LRRC8E: variants seen among roughly 807,000 people sequenced by gnomAD.
The protein encoded by LRRC8E is leucine rich repeat containing 8 VRAC subunit E.
In LRRC8E, 6 loss-of-function variants were observed where a neutral mutation model predicts 6.1. That is an observed-to-expected ratio of 0.98 (90% CI 0.54 to 1.93). The LOEUF is 1.93. LRRC8E is among the 30% of genes most tolerant of loss of function. LRRC8E has a pLI of 0.01. For synonymous variants in LRRC8E, 485 were observed against 472.8 expected (o/e 1.03, Z -0.33); for missense variants, 1,028 against 1,031.4 (o/e 1.00, Z 0.04).
At position 7,895,801 on chromosome 19, in the gene LRRC8E, G is replaced by A; in HGVS notation, c.138+60G>A. On this transcript the variant is annotated intron_variant, in intron 2 of 2. Transcript: ENST00000306708. This position sits in a 1 kb window ranked among gnomAD's most constrained non-coding sequence, Gnocchi z 4.7. ...AGGGGCGGGGCAGGTGTCTGGGGAA[G>A]TCGGGAAGCCTTCTCATCACCCAAG... 2 of 1,587,494 alleles carry A rather than the reference G, an allele frequency of 1.3e-6. No homozygotes were observed. Among genetic ancestry groups the A allele is most frequent in the South Asian group, 2.2e-5 (2 of 89,958 alleles).
chr19:7,901,349 G>C lies in LRRC8E; in HGVS notation c.*436G>C, dbSNP rs887355722. ...TACTTCTGGAGTTCTCTCCCAAGGA[G>C]AGGACACAGACACAGTTGTTTGCTG... is the stretch of plus-strand genomic sequence containing the variant. On this transcript the variant is annotated 3_prime_UTR_variant, in exon 3 of 3. Transcript: ENST00000306708. 1 of 160,168 alleles carries C rather than the reference G, an allele frequency of 6.2e-6. No individual in the cohort carries two copies. The highest frequency in any genetic ancestry group is 1.4e-5 in the Non-Finnish European group (1 of 73,082). The allele number at this position is 160,168 out of a possible 1,614,324, so 9.9% of individuals were successfully genotyped here.
Position 7,900,289 on chromosome 19 carries a change from G to T in LRRC8E, c.1767G>T (p.Leu589=). The T allele has an allele frequency of 6.2e-7, 1 of 1,613,388 alleles. No individual in the cohort carries two copies. The highest frequency in any genetic ancestry group is 8.5e-7 in the Non-Finnish European group (1 of 1,180,026). ...KKLAALRELE[L]VACGLERIPH... is the part of the protein sequence containing the mutation. Reference sequence around the variant, plus strand: ...TGGCGGCATTGCGGGAGCTGGAGCTGGTGGCCTGCGGGCTGGAGCGCATCC... The same window carrying T: ...TGGCGGCATTGCGGGAGCTGGAGCTTGTGGCCTGCGGGCTGGAGCGCATCC... The change falls in exon 3 of 3, where the codon CTG becomes CTT. Residue 589 remains leucine, a synonymous_variant. Transcript: ENST00000306708. The surrounding 1 kb of genome is among the most constrained non-coding windows in gnomAD (Gnocchi z 5.0).
rs770328515 is a variant in LRRC8E, at chr19:7,899,548, C to T, written c.1026C>T (p.Tyr342=). The part of the protein sequence containing the change: ...YWLFHRPLKE[Y]SFRSVREETG... ...TCTTCCACCGGCCCCTCAAGGAGTA[C>T]TCCTTCCGTTCCGTGCGGGAGGAGA... The change falls in exon 3 of 3, where the codon TAC becomes TAT. Residue 342 remains tyrosine (Y), a synonymous_variant. Transcript: ENST00000306708. 8 of 1,613,846 alleles carry T rather than the reference C, an allele frequency of 5.0e-6. No individual in the cohort carries two copies. Among genetic ancestry groups the T allele is most frequent in the Admixed American group, 3.3e-5 (2 of 60,014 alleles).
In LRRC8E at chr19:7,898,975, C is replaced by G. The variant is rs1468173124; in HGVS notation, c.453C>G (p.Ser151=). The G allele has an allele frequency of 3.7e-6, 6 of 1,614,036 alleles. No homozygotes were observed. Among genetic ancestry groups the G allele is most frequent in the Non-Finnish European group, 5.1e-6 (6 of 1,180,046 alleles). ...GCTCCAAGATTGAACACTTCATCTC[C>G]ATCCTGGGCAAGTGTTTCGACTCTC... is the stretch of plus-strand genomic sequence containing the variant. ...GTSSKIEHFI[S]ILGKCFDSPW... is the part of the protein sequence containing the mutation. The change falls in exon 3 of 3, where the codon TCC becomes TCG. Residue 151 remains serine, a synonymous_variant. Transcript: ENST00000306708.
At chr19:7,898,079 G>A (rs1031382891) in intron 2 of LRRC8E, among the ~76,000 whole-genome samples, 1 of 152,070 alleles carries the variant, frequency 6.6e-6, no homozygotes, top group South Asian at 2.1e-4. Flanking sequence ...GCGTGGTAGT[G>A]CGTGCTTGTA....
chr19:7,900,841 G>A lies in LRRC8E; in HGVS notation c.2319G>A (p.Ala773=), dbSNP rs139762001. ...ELGNCGGLKK[A]GLLVEDTLYQ... ...GCAACTGTGGGGGGCTCAAGAAGGCGGGGCTCCTGGTGGAAGACACGCTTT... is the reference window on the plus strand; with the variant it reads ...GCAACTGTGGGGGGCTCAAGAAGGCAGGGCTCCTGGTGGAAGACACGCTTT... Residue 773 remains alanine, a synonymous_variant, in exon 3 of 3, where the codon GCG becomes GCA. Transcript: ENST00000306708. The surrounding 1 kb of genome is among the most constrained non-coding windows in gnomAD (Gnocchi z 5.0). 1.3e-5 allele frequency: 20 copies of A among 1,565,584 alleles called. No individual in the cohort carries two copies. Among genetic ancestry groups the A allele is most frequent in the South Asian group, 4.7e-5 (4 of 84,306 alleles).
chr19:7,899,813 G>A lies in LRRC8E; in HGVS notation c.1291G>A (p.Asp431Asn), dbSNP rs772818009. 6.2e-6 allele frequency: 10 copies of A among 1,607,256 alleles called. No individual in the cohort carries two copies. The highest frequency in any genetic ancestry group is 1.6e-4 in the Middle Eastern group (1 of 6,084). ...CCTCTGCATGCTGCCGGGTCTGCCCGACACCGTCTTTGAGCTCAGTGAGGT... is the reference window on the plus strand; with the variant it reads ...CCTCTGCATGCTGCCGGGTCTGCCCAACACCGTCTTTGAGCTCAGTGAGGT... ...LALCMLPGLP[D>N]TVFELSEVES... The change falls in exon 3 of 3, where the codon GAC (aspartate) becomes AAC (asparagine). Residue 431 changes from aspartate to asparagine, a missense_variant. Physicochemically the swap from Asp to Asn is conservative, Grantham distance 23 (BLOSUM62 1). Coordinates refer to ENST00000306708, the MANE Select transcript of LRRC8E (RefSeq NM_025061.6).
rs117984578 is a variant in LRRC8E, at chr19:7,895,909, C to T, written c.138+168C>T. ...TCCTTACCTCCATAGCCAGGAGCAC[C>T]GGAGTCCCCACATTGCTATGCCATT... is the stretch of plus-strand genomic sequence containing the variant. On this transcript the variant is annotated intron_variant, in intron 2 of 2. Transcript: ENST00000306708. The surrounding 1 kb of genome is among the most constrained non-coding windows in gnomAD (Gnocchi z 4.7). 5.5e-3 allele frequency among the ~76,000 whole-genome samples: 836 copies of T among 152,276 alleles called. 7 individuals carry two copies. The highest frequency in any genetic ancestry group is 0.031 in the Middle Eastern group (9 of 294).
Position 7,895,570 on chromosome 19 carries a change from T to A in LRRC8E, c.-5-29T>A. ...GCCTCCCATCCTGAGGGTCTCTCTC[T>A]ACACCCCCCGTCTCGTCCCGTCCCA... On this transcript the variant is annotated intron_variant, in intron 1 of 2. Coordinates refer to ENST00000306708, the MANE Select transcript of LRRC8E (RefSeq NM_025061.6). This position sits in a 1 kb window ranked among gnomAD's most constrained non-coding sequence, Gnocchi z 4.7. The A allele has an allele frequency of 6.2e-7, 1 of 1,602,916 alleles. No homozygotes were observed. Among genetic ancestry groups the A allele is most frequent in the Non-Finnish European group, 8.5e-7 (1 of 1,170,784 alleles).
At chr19:7,894,886 C>A (rs938696988) in intron 1 of LRRC8E, among the ~76,000 whole-genome samples, 1 of 152,258 alleles carries the variant, frequency 6.6e-6, no homozygotes, top group Admixed American at 6.5e-5. Flanking sequence ...TCCGGACACC[C>A]CATTGCCCCC....
In LRRC8E at chr19:7,899,219, G is replaced by T; in HGVS notation, c.697G>T (p.Ala233Ser). Reference sequence around the variant, plus strand: ...CAAGAAGGAGGGTGAGCAAGCCAAAGCCCTGTTTGAGAAGGTGAAGAAGTT... The same window carrying T: ...CAAGAAGGAGGGTGAGCAAGCCAAATCCCTGTTTGAGAAGGTGAAGAAGTT... ...LDKKEGEQAKALFEKVKKFRM... is the reference protein window; with the variant it reads ...LDKKEGEQAKSLFEKVKKFRM... The change falls in exon 3 of 3, where the codon GCC (alanine) becomes TCC (serine). Residue 233 changes from alanine (A) to serine (S), a missense_variant. Transcript: ENST00000306708. 6.2e-7 allele frequency: 1 copy of T among 1,614,202 alleles called. No homozygotes were observed. Among genetic ancestry groups the T allele is most frequent in the South Asian group, 1.1e-5 (1 of 91,086 alleles).
At position 7,898,216 on chromosome 19, in the gene LRRC8E, C is replaced by A. The variant is rs201283623; in HGVS notation, c.139-445C>A. The stretch of plus-strand genomic sequence containing the variant: ...GAGACTCTTGTCTCAAAAAAAAAAA[C>A]CAAAAAAAAAAAAAACAGTGCTTAG... On this transcript the variant is annotated intron_variant, in intron 2 of 2. Transcript: ENST00000306708. Among the ~76,000 whole-genome samples, 198 of 114,236 alleles carry A rather than the reference C, an allele frequency of 1.7e-3. 2 individuals carry two copies. In the East Asian group the frequency reaches 0.047, roughly 27 times the overall value. The allele number at this position is 114,236 out of a possible 152,430, so 74.9% of individuals were successfully genotyped here.
Position 7,895,877 on chromosome 19 carries a change from C to T in LRRC8E, c.138+136C>T. The T allele has an allele frequency of 9.9e-7, 1 of 1,010,430 alleles. No individual in the cohort carries two copies. The highest frequency in any genetic ancestry group is 1.4e-6 in the Non-Finnish European group (1 of 695,980). The allele number at this position is 1,010,430 out of a possible 1,614,324, so 62.6% of individuals were successfully genotyped here. A position where few individuals can be genotyped will look rare whatever the true frequency, so the allele number is the denominator to read the frequency against. On this transcript the variant is annotated intron_variant, in intron 2 of 2. Transcript: ENST00000306708. The surrounding 1 kb of genome is among the most constrained non-coding windows in gnomAD (Gnocchi z 4.7). ...CCCACTCAAAGGCCAATCCAGACCCCTTATCTTCCTTACCTCCATAGCCAG... is the reference window on the plus strand; with the variant it reads ...CCCACTCAAAGGCCAATCCAGACCCTTTATCTTCCTTACCTCCATAGCCAG...
rs935907592 is a variant in LRRC8E at position 7,901,090 on chromosome 19, C to CA, written c.*178dup. On this transcript the variant is annotated 3_prime_UTR_variant, in exon 3 of 3. Transcript: ENST00000306708. ...ATCTGGGCTGGTTTGTCTGGGGAGA[C>CA]AGACAGGATGTTGTGGAGCTGGGGT... is the stretch of plus-strand genomic sequence containing the variant. 1.8e-5 allele frequency: 10 copies of CA among 549,426 alleles called. No homozygotes were observed. The highest frequency in any genetic ancestry group is 7.5e-5 in the African/African-American group (4 of 53,120). 34.0% of individuals were successfully genotyped at this position (549,426 alleles called of 1,614,324 possible). A position where few individuals can be genotyped will look rare whatever the true frequency, so the allele number is the denominator to read the frequency against.
At chr19:7,897,777 G>A (rs1255659446) in intron 2 of LRRC8E, among the ~76,000 whole-genome samples, 1 of 151,836 alleles carries the variant, frequency 6.6e-6, no homozygotes, top group Non-Finnish European at 1.5e-5. Flanking sequence ...GCTTTGTCTT[G>A]ACTACCTCTG....
At chr19:7,890,057 TAA>T (rs113067182) in intron 1 of LRRC8E, among the ~76,000 whole-genome samples, 3 of 142,772 alleles carry the variant, frequency 2.1e-5, no homozygotes, top group Non-Finnish European at 3.1e-5. Context: ...ACTCTATGTC[TAA>T]AAAAAAAAAA....
At chr19:7,892,412 G>C (rs1485281792) in intron 1 of LRRC8E, among the ~76,000 whole-genome samples, 1 of 152,002 alleles carries the variant, frequency 6.6e-6, no homozygotes, top group Non-Finnish European at 1.5e-5. Context: ...GTCTGACTAT[G>C]TTGTCCTGGC....
intron 1 of LRRC8E, chr19:7,893,969 G>C (rs1050883102): frequency 6.6e-6 from 1 of 152,248 alleles, no homozygotes; most frequent in African/African-American, 2.4e-5. Context: ...TTTCGGGACT[G>C]CTTGGCCTTT....
Position 7,899,628 on chromosome 19 carries a change from T to C in LRRC8E, c.1106T>C (p.Leu369Pro), listed in dbSNP as rs1297949342. 56 of 1,613,648 alleles carry C rather than the reference T, an allele frequency of 3.5e-5. No homozygotes were observed. Among genetic ancestry groups the C allele is most frequent in the Non-Finnish European group, 4.7e-5 (55 of 1,180,046 alleles). Residue 369 changes from leucine (L) to proline (P), a missense_variant, in exon 3 of 3, where the codon CTC (leucine) becomes CCC (proline). Coordinates refer to ENST00000306708, the MANE Select transcript of LRRC8E (RefSeq NM_025061.6). ...AATGACTTCGCCTTCATGCTGCACC[T>C]CATCGATCAGTACGACTCCCTCTAC... Reference protein sequence around the residue: ...VKNDFAFMLHLIDQYDSLYSK... With the variant: ...VKNDFAFMLHPIDQYDSLYSK...
Sources: gnomAD v4.1 joint callset for allele counts (sites outside exome capture counted in the v4.1 genomes callset) on GRCh38, gnomAD v4.1.1 for gene constraint, Gnocchi (gnomAD v3.1) non-coding constraint, MANE v1.5 for transcripts, NCBI Gene and HGNC (gene_info 2026-07-23, HGNC 2026-07-21) for gene names.